Variants in PRKCB observed in about 807,000 individuals in gnomAD.
The protein encoded by PRKCB is protein kinase C beta type.
Under a neutral mutation model 81.5 loss-of-function variants are expected in PRKCB, and 13 were observed. That is an observed-to-expected ratio of 0.16 (90% CI 0.10 to 0.25). The LOEUF is 0.25. Ranked by LOEUF, PRKCB falls within the 10% of genes least tolerant of loss-of-function variation. PRKCB has a pLI of 1.00. For synonymous variants in PRKCB, 335 were observed against 321.4 expected (o/e 1.04, Z -0.45); for missense variants, 509 against 875.7 (o/e 0.58, Z 5.29).
At chr16:24,155,467 ACC>A (rs1356433330) in intron 10 of PRKCB, among the ~76,000 whole-genome samples, 8 of 152,168 alleles carry the variant, frequency 5.3e-5, no homozygotes, top group African/African-American at 1.9e-4. Flanking sequence ...GTAACCTCTT[ACC>A]TTTCCCTGTT....
intron 5 of PRKCB, among the ~76,000 whole-genome samples, chr16:24,041,053 A>AT (rs142356879): frequency 0.021 from 2,851 of 136,990 alleles, 80 homozygotes; most frequent in African/African-American, 0.055. Context: ...TGCAACAATA[A>AT]TTTTTTTTGT....
At chr16:24,174,168 C>T (rs887044995) in intron 11 of PRKCB, 25 of 187,014 alleles carry the variant, frequency 1.3e-4, no homozygotes, top group Middle Eastern at 2.2e-3. Flanking sequence ...TGCCACCACA[C>T]CCAGTTATTT....
chr16:24,016,393 T>C (rs1357377338), intron 3 of PRKCB, among the ~76,000 whole-genome samples: 1 of 152,042 alleles, frequency 6.6e-6, no homozygotes, highest in Non-Finnish European at 1.5e-5. Context: ...CTGGCCTGGC[T>C]AATGAACTAA....
intron 2 of PRKCB, among the ~76,000 whole-genome samples, chr16:23,879,789 C>T (rs556713652): frequency 2.6e-5 from 4 of 152,214 alleles, no homozygotes; most frequent in Non-Finnish European, 2.9e-5. Context: ...CCACTGAGCC[C>T]GGTGCCCTGG....
At chr16:24,096,693 ATATATATATATATC>A in intron 7 of PRKCB, among the ~76,000 whole-genome samples, 1 of 98,264 alleles carries the variant, frequency 1.0e-5, no homozygotes, top group Non-Finnish European at 2.0e-5. Flanking sequence ...ATATATATAT[ATATATATATATATC>A]CTCCAATGTT....
At chr16:23,968,300 G>A (rs1964513927) in intron 2 of PRKCB, among the ~76,000 whole-genome samples, 2 of 152,206 alleles carry the variant, frequency 1.3e-5, no homozygotes, top group South Asian at 4.1e-4. Flanking sequence ...TTTCATGAAA[G>A]GACTATTTAG....
chr16:24,006,255 G>T (rs953873247), intron 3 of PRKCB, among the ~76,000 whole-genome samples: 4 of 152,202 alleles, frequency 2.6e-5, no homozygotes, highest in African/African-American at 9.7e-5. Context: ...GATACTCGAG[G>T]ATTGGCCTCT....
At chr16:24,152,462 G>A (rs1967094914) in intron 9 of PRKCB, among the ~76,000 whole-genome samples, 1 of 152,176 alleles carries the variant, frequency 6.6e-6, no homozygotes, top group African/African-American at 2.4e-5. Flanking sequence ...GGACAGCTCA[G>A]CACCAAGCCC....
intron 2 of PRKCB, among the ~76,000 whole-genome samples, chr16:23,875,153 C>T (rs1175077382): frequency 6.6e-6 from 1 of 151,542 alleles, no homozygotes; most frequent in Non-Finnish European, 1.5e-5. Context: ...CCTCCTGCCT[C>T]AGCCCCCACA....
intron 7 of PRKCB, chr16:24,098,384 T>G (rs1966467134): frequency 6.6e-6 from 1 of 152,146 alleles, no homozygotes; most frequent in Non-Finnish European, 1.5e-5. Context: ...TTTGCTCAGT[T>G]AAATATAAAA....
intron 2 of PRKCB, among the ~76,000 whole-genome samples, chr16:23,848,724 G>C (rs931608212): frequency 6.6e-6 from 1 of 152,186 alleles, no homozygotes; most frequent in Non-Finnish European, 1.5e-5. Flanking sequence ...ACTTCTTGCT[G>C]TGGGACCTTA....
intron 2 of PRKCB, among the ~76,000 whole-genome samples, chr16:23,951,830 T>C (rs191317261): frequency 6.6e-6 from 1 of 152,300 alleles, no homozygotes; most frequent in Admixed American, 6.5e-5. Flanking sequence ...TCTTTTCTTT[T>C]GGTTTATGAA....
chr16:23,875,596 C>CATATGTATGTATATCACACACAT (rs1962990990), intron 2 of PRKCB, among the ~76,000 whole-genome samples: 1 of 31,842 alleles, frequency 3.1e-5, no homozygotes, highest in Non-Finnish European at 7.2e-5. Context: ...ATATCACACA[C>CATATGTATGTATATCACACACAT]ATATGTATGT....
At chr16:24,115,051 T>C (rs984554413) in intron 8 of PRKCB, among the ~76,000 whole-genome samples, 11 of 152,166 alleles carry the variant, frequency 7.2e-5, no homozygotes, top group African/African-American at 2.7e-4. Context: ...AAAGGCCCTG[T>C]GGTTGGGGGT....
chr16:23,940,763 G>A (rs969971168), intron 2 of PRKCB, among the ~76,000 whole-genome samples: 11 of 152,132 alleles, frequency 7.2e-5, no homozygotes, highest in African/African-American at 2.7e-4. Context: ...TATAAGACGA[G>A]ATGTGCTATT....
At chr16:23,840,638 C>G (rs1365677608) in intron 2 of PRKCB, among the ~76,000 whole-genome samples, 1 of 152,110 alleles carries the variant, frequency 6.6e-6, no homozygotes, top group Non-Finnish European at 1.5e-5. Context: ...AGGATGTTGT[C>G]TCTGCCACTC....
rs561249103 is a variant in PRKCB at position 23,867,744 on chromosome 16, C to T, written c.205+30338C>T. On this transcript the variant is annotated intron_variant, in intron 2 of 16. Coordinates refer to ENST00000643927, the MANE Select transcript of PRKCB (RefSeq NM_002738.7). ...CTTTAAGGATGTGAAGACTGAGGCT[C>T]AGGGTCACAACTTGTGCAATCTTGG... Among the ~76,000 whole-genome samples the T allele has an allele frequency of 5.9e-5, 9 of 152,296 alleles. 1 individual carries two copies. In the South Asian group the frequency reaches 1.9e-3, roughly 32 times the overall value.
intron 3 of PRKCB, among the ~76,000 whole-genome samples, chr16:23,993,316 A>G (rs1964913140): frequency 1.3e-5 from 2 of 152,202 alleles, no homozygotes; most frequent in African/African-American, 2.4e-5. Flanking sequence ...TTCTGAATGT[A>G]ATGTTCCAGC....
chr16:23,964,229 A>G (rs571373599), intron 2 of PRKCB, among the ~76,000 whole-genome samples: 2 of 152,376 alleles, frequency 1.3e-5, no homozygotes. Context: ...GAACATTGTC[A>G]TCATCACAGA....
Sources: allele counts gnomAD v4.1 joint callset (sites outside exome capture counted in the v4.1 genomes callset), GRCh38; gene constraint gnomAD v4.1.1; transcripts MANE v1.5; gene names NCBI Gene and HGNC (gene_info 2026-07-23, HGNC 2026-07-21).